POPDC1: variants seen among roughly 807,000 people sequenced by gnomAD.
POPDC1 encodes the protein popeye domain-containing protein 1.
the POPDC1 span, among the ~76,000 whole-genome samples, chr6:105,102,088 T>C: frequency 6.6e-6 from 1 of 152,074 alleles, no homozygotes; most frequent in Non-Finnish European, 1.5e-5. Flanking sequence ...GTTGTCCGGG[T>C]TTCCACCTGC....
chr6:105,124,091 G>A, the POPDC1 span, among the ~76,000 whole-genome samples: 1 of 152,024 alleles, frequency 6.6e-6, no homozygotes, highest in African/African-American at 2.4e-5. Flanking sequence ...CATATATACA[G>A]TATTTTTTAG....
At chr6:105,111,101 G>GA in the POPDC1 span, among the ~76,000 whole-genome samples, 1 of 152,060 alleles carries the variant, frequency 6.6e-6, no homozygotes, top group African/African-American at 2.4e-5. Flanking sequence ...ATTATTTCAT[G>GA]AAAAAAGACA....
At chr6:105,132,263 G>A in the POPDC1 span, among the ~76,000 whole-genome samples, 1 of 152,152 alleles carries the variant, frequency 6.6e-6, no homozygotes, top group Non-Finnish European at 1.5e-5. Flanking sequence ...ACTGTGTCCA[G>A]CCCATTTATA....
the POPDC1 span, chr6:105,096,963 T>C: frequency 1.2e-4 from 19 of 152,666 alleles, no homozygotes; most frequent in Non-Finnish European, 2.2e-4. Flanking sequence ...AGAATGAGTT[T>C]CCTATAAATG....
the POPDC1 span, among the ~76,000 whole-genome samples, chr6:105,122,865 G>A: frequency 6.6e-6 from 1 of 152,204 alleles, no homozygotes; most frequent in African/African-American, 2.4e-5. Flanking sequence ...CTTCTGCATT[G>A]TAAGTCCAGC....
At chr6:105,134,930 G>GA in the POPDC1 span, among the ~76,000 whole-genome samples, 1 of 152,086 alleles carries the variant, frequency 6.6e-6, no homozygotes, top group Admixed American at 6.6e-5. Flanking sequence ...TGGCGGGGGG[G>GA]AAGATCATTA....
At chr6:105,124,359 G>C in the POPDC1 span, among the ~76,000 whole-genome samples, 3 of 147,256 alleles carry the variant, frequency 2.0e-5, no homozygotes, top group Non-Finnish European at 4.5e-5. Context: ...TCCAGCCTGG[G>C]CGACAGTGCA....
the POPDC1 span, chr6:105,101,268 G>A: frequency 5.5e-6 from 8 of 1,462,142 alleles, no homozygotes; most frequent in African/African-American, 8.6e-5. Flanking sequence ...CCCAGACCCT[G>A]GTGTGATATA....
the POPDC1 span, among the ~76,000 whole-genome samples, chr6:105,102,050 A>G: frequency 2.6e-5 from 4 of 152,192 alleles, no homozygotes; most frequent in African/African-American, 9.6e-5. Context: ...CCCTCCTTAC[A>G]GTCACCACCA....
chr6:105,122,223 C>G, the POPDC1 span, among the ~76,000 whole-genome samples: 1 of 152,158 alleles, frequency 6.6e-6, no homozygotes, highest in Non-Finnish European at 1.5e-5. Flanking sequence ...CTTCATGATG[C>G]TAGTTTTAAT....
chr6:105,124,827 A>C, the POPDC1 span, among the ~76,000 whole-genome samples: 1 of 152,236 alleles, frequency 6.6e-6, no homozygotes, highest in Non-Finnish European at 1.5e-5. Context: ...TCAAAAAATA[A>C]CGTTAGAAAA....
chr6:105,102,543 G>T, the POPDC1 span, among the ~76,000 whole-genome samples: 1 of 152,184 alleles, frequency 6.6e-6, no homozygotes, highest in African/African-American at 2.4e-5. Flanking sequence ...GAGTGGTCAA[G>T]ACCAGAGGCT....
chr6:105,115,815 G>A, the POPDC1 span: 1 of 1,613,058 alleles, frequency 6.2e-7, no homozygotes, highest in Non-Finnish European at 8.5e-7. Flanking sequence ...TGATGTTCCA[G>A]CTTTTTGGCT....
the POPDC1 span, chr6:105,100,337 A>C: frequency 2.0e-5 from 3 of 151,542 alleles, no homozygotes; most frequent in East Asian, 1.9e-4. Context: ...GTGAAACCCC[A>C]TCTCTACTAA....
At chr6:105,101,020 A>G in the POPDC1 span, 1 of 1,516,086 alleles carries the variant, frequency 6.6e-7, no homozygotes, top group Non-Finnish European at 8.8e-7. Flanking sequence ...AAGCCATGAA[A>G]AAGTGCTGGT....
chr6:105,104,122 C>A, the POPDC1 span, among the ~76,000 whole-genome samples: 4 of 151,988 alleles, frequency 2.6e-5, no homozygotes, highest in Non-Finnish European at 5.9e-5. Flanking sequence ...CCAGCCCATC[C>A]TCCTCTTTTC....
chr6:105,123,681 C>T, the POPDC1 span, among the ~76,000 whole-genome samples: 8 of 152,284 alleles, frequency 5.3e-5, no homozygotes, highest in South Asian at 2.1e-4. Context: ...TGTGAGCCAC[C>T]GTGCCCGGCT....
chr6:105,118,606 T>C, the POPDC1 span, among the ~76,000 whole-genome samples: 2 of 152,206 alleles, frequency 1.3e-5, no homozygotes, highest in South Asian at 2.1e-4. Context: ...TGATAATTAA[T>C]AAAGAAATAT....
the POPDC1 span, among the ~76,000 whole-genome samples, chr6:105,116,135 T>C: frequency 6.6e-6 from 1 of 152,208 alleles, no homozygotes; most frequent in Non-Finnish European, 1.5e-5. Flanking sequence ...ATATACTCAA[T>C]TGTCACTGGG....
Sources: gnomAD v4.1 joint callset for allele counts (sites outside exome capture counted in the v4.1 genomes callset) on GRCh38, gnomAD v4.1.1 for gene constraint, MANE v1.5 for transcripts, NCBI Gene and HGNC (gene_info 2026-07-23, HGNC 2026-07-21) for gene names.